Variants in ANKS1A observed in about 807,000 individuals in gnomAD.
ANKS1A encodes ankyrin repeat and sterile alpha motif domain containing 1A, also known as ankyrin repeat and SAM domain-containing protein 1A.
A neutral mutation model predicts 120.3 loss-of-function variants in ANKS1A; 55 were observed. The ratio of observed to expected loss-of-function variants is 0.46; its 90% CI spans 0.37 to 0.57. The LOEUF (loss-of-function observed/expected upper bound fraction) is 0.57. ANKS1A is among the 20% of genes least tolerant of loss of function. ANKS1A has a pLI of 0.00. For missense variants in ANKS1A, 1,123 were observed against 1,480.3 expected, an observed-to-expected ratio of 0.76 and a Z score of 3.96; for synonymous variants, 590 against 604.7, an observed-to-expected ratio of 0.98 and a Z score of 0.36.
rs377755584 is a variant in ANKS1A at position 34,905,017 on chromosome 6, G to A, written c.197+15418G>A. ...ATAGACACAGGGTTTCGCCATGTTGGCCAGGCTGGTCTTGAACTACTAGCC... is the reference window on the plus strand; with the variant it reads ...ATAGACACAGGGTTTCGCCATGTTGACCAGGCTGGTCTTGAACTACTAGCC... On this transcript the variant is annotated intron_variant, in intron 1 of 23. Transcript: ENST00000360359. 3.9e-5 allele frequency among the ~76,000 whole-genome samples: 6 copies of A among 152,276 alleles called. No homozygotes were observed. In the East Asian group the frequency reaches 1.2e-3, roughly 29 times the overall value.
At chr6:34,942,206 C>T (rs1769569819) in intron 1 of ANKS1A, among the ~76,000 whole-genome samples, 2 of 152,208 alleles carry the variant, frequency 1.3e-5, no homozygotes, top group South Asian at 2.1e-4. Flanking sequence ...CTTTTGAGCG[C>T]TAGGCCAAAC....
chr6:35,093,967 T>A (rs1180968506), downstream of ANKS1A, among the ~76,000 whole-genome samples: 1 of 152,150 alleles, frequency 6.6e-6, no homozygotes, highest in Non-Finnish European at 1.5e-5. Flanking sequence ...CCAGTGATTG[T>A]GATGCTGCTC....
intron 1 of ANKS1A, among the ~76,000 whole-genome samples, chr6:34,961,870 ATGT>A (rs1770657037): frequency 6.6e-6 from 1 of 152,146 alleles, no homozygotes; most frequent in Admixed American, 6.5e-5. Flanking sequence ...TATTCACTTC[ATGT>A]TGTTGTTCCA....
intron 11 of ANKS1A, among the ~76,000 whole-genome samples, chr6:35,048,305 A>G (rs192628636): frequency 8.7e-4 from 133 of 152,292 alleles, no homozygotes; most frequent in African/African-American, 2.9e-3. Flanking sequence ...TAACATGGTA[A>G]CAACCCAAAT....
Position 34,889,764 on chromosome 6 carries a change from A to G in ANKS1A, c.197+165A>G, listed in dbSNP as rs34006431. The stretch of plus-strand genomic sequence containing the variant: ...CGGGCCAGGGTACCGGAGGGCGCGC[A>G]GGTCCGAGTCCACGCTGCTCCGGGC... On this transcript the variant is annotated intron_variant, in intron 1 of 23. Transcript: ENST00000360359. The surrounding 1 kb of genome is among the most constrained non-coding windows in gnomAD (Gnocchi z 5.5). Among the ~76,000 whole-genome samples the G allele has an allele frequency of 0.073, 11,019 of 151,872 alleles. 607 individuals are homozygous for G. The highest frequency in any genetic ancestry group is 0.23 in the East Asian group (1,151 of 5,074).
intron 3 of ANKS1A, among the ~76,000 whole-genome samples, chr6:34,970,881 C>T (rs1161184136): frequency 6.6e-6 from 1 of 152,058 alleles, no homozygotes; most frequent in Non-Finnish European, 1.5e-5. Flanking sequence ...TGGTGGCACA[C>T]ACCTGTAGTC....
chr6:35,089,250 C>G lies in ANKS1A; in HGVS notation c.*641C>G. 1.0e-6 allele frequency: 1 copy of G among 988,160 alleles called. No individual in the cohort carries two copies. The highest frequency in any genetic ancestry group is 1.2e-6 in the Non-Finnish European group (1 of 831,552). 61.2% of individuals were successfully genotyped at this position (988,160 alleles called of 1,614,324 possible). A position where few individuals can be genotyped will look rare whatever the true frequency, so the allele number is the denominator to read the frequency against. On this transcript the variant is annotated 3_prime_UTR_variant, in exon 24 of 24. Transcript: ENST00000360359. ...GAACACAGCCTTAGAGGCACCTGAG[C>G]AACTCAAAGGTTTCCGGTCCATTTC...
chr6:34,970,225 C>G, intron 3 of ANKS1A, 59 bp downstream of exon 3: 1 of 1,534,160 alleles, frequency 6.5e-7, no homozygotes, highest in Non-Finnish European at 8.8e-7. Context: ...GTGGCAACCC[C>G]ATCACCATCT....
rs1176525786 is a variant in ANKS1A at position 34,985,151 on chromosome 6, A to G, written c.1082A>G (p.Tyr361Cys). 1 of 1,614,212 alleles carries G rather than the reference A, an allele frequency of 6.2e-7. No individual in the cohort carries two copies. Among genetic ancestry groups the G allele is most frequent in the Non-Finnish European group, 8.5e-7 (1 of 1,180,046 alleles). ...GCAAATGCTGAAGAAGAGGGTCCCT[A>G]CGAAGCTCTGTATAATGCCATCTCC... ...FDANAEEEGP[Y>C]EALYNAISCH... Residue 361 changes from tyrosine to cysteine, a missense_variant, in exon 8 of 24, where the codon TAC becomes TGC. By Grantham distance (194) the Tyr-to-Cys change is radical (BLOSUM62 -2). Transcript: ENST00000360359.
chr6:35,050,219 G>A lies in ANKS1A; in HGVS notation c.2011-3880G>A, dbSNP rs1362317644. On this transcript the variant is annotated intron_variant, in intron 11 of 23. Transcript: ENST00000360359. This position sits in a 1 kb window ranked among gnomAD's most constrained non-coding sequence, Gnocchi z 4.3. ...AGGGAAAAATAGTCTAAACAGAGTC[G>A]TCCTGAAAACTTTTTGAAAATGGAG... 1.3e-5 allele frequency among the ~76,000 whole-genome samples: 2 copies of A among 152,210 alleles called. No homozygotes were observed. The highest frequency in any genetic ancestry group is 2.4e-5 in the African/African-American group (1 of 41,458).
chr6:34,981,386 G>A (rs1183534010), intron 3 of ANKS1A, among the ~76,000 whole-genome samples: 1 of 152,134 alleles, frequency 6.6e-6, no homozygotes, highest in Non-Finnish European at 1.5e-5. Flanking sequence ...TCCACCAAAT[G>A]CCTGCCACAT....
chr6:34,952,502 C>A (rs896191129), intron 1 of ANKS1A, among the ~76,000 whole-genome samples: 1 of 152,184 alleles, frequency 6.6e-6, no homozygotes, highest in African/African-American at 2.4e-5. Flanking sequence ...AGCCTCTGGA[C>A]TTTGACAAGC....
At chr6:34,912,120 ATAATCTGACACCT>A (rs1276279025) in intron 1 of ANKS1A, among the ~76,000 whole-genome samples, 8 of 152,250 alleles carry the variant, frequency 5.3e-5, no homozygotes, top group Admixed American at 5.2e-4. Flanking sequence ...TCAAACGCTC[ATAATCTGACACCT>A]TGAATGATTT....
At chr6:34,938,234 G>A (rs573274824) in intron 1 of ANKS1A, among the ~76,000 whole-genome samples, 2 of 152,292 alleles carry the variant, frequency 1.3e-5, no homozygotes, top group African/African-American at 4.8e-5. Context: ...CAAGCAAATT[G>A]GGAACAATCC....
At chr6:35,070,856 GATTT>G (rs1777050989) in intron 13 of ANKS1A, 3 of 605,312 alleles carry the variant, frequency 5.0e-6, no homozygotes, top group African/African-American at 1.9e-5. Flanking sequence ...GCGCGCCAAA[GATTT>G]ATTTCTTCAT....
intron 11 of ANKS1A, among the ~76,000 whole-genome samples, chr6:35,026,785 T>C (rs1452614288): frequency 6.6e-6 from 1 of 152,224 alleles, no homozygotes; most frequent in Non-Finnish European, 1.5e-5. Flanking sequence ...ACTTGACTTT[T>C]ACTTTTAACT....
intron 1 of ANKS1A, among the ~76,000 whole-genome samples, chr6:34,957,879 A>G (rs1770448971): frequency 6.6e-6 from 1 of 152,260 alleles, no homozygotes; most frequent in Admixed American, 6.5e-5. Context: ...TATGACAATC[A>G]GCAAGCCATT....
downstream of ANKS1A, among the ~76,000 whole-genome samples, chr6:35,095,072 T>G (rs1778417415): frequency 6.9e-6 from 1 of 144,724 alleles, no homozygotes; most frequent in Non-Finnish European, 1.5e-5. Context: ...GCCCAGGAGG[T>G]CGAGGCTGCA....
intron 13 of ANKS1A, among the ~76,000 whole-genome samples, chr6:35,076,028 G>A (rs866329627): frequency 2.4e-4 from 37 of 152,180 alleles, no homozygotes; most frequent in African/African-American, 7.2e-4. Flanking sequence ...GCCTCCAAAA[G>A]TGTTGGGATT....
Sources: allele counts gnomAD v4.1 joint callset (sites outside exome capture counted in the v4.1 genomes callset), GRCh38; gene constraint gnomAD v4.1.1; non-coding constraint Gnocchi (gnomAD v3.1); transcripts MANE v1.5; gene names NCBI Gene and HGNC (gene_info 2026-07-23, HGNC 2026-07-21).